The following CCSER1 variants were observed in gnomAD, a reference collection of about 807,000 sequenced individuals.
The protein encoded by CCSER1 is coiled-coil serine rich protein 1.
CCSER1 carries 41 observed loss-of-function variants against 82.0 expected under a neutral mutation model. The observed-to-expected ratio is 0.50, with a 90% CI of 0.39 to 0.65. The LOEUF (loss-of-function observed/expected upper bound fraction) is 0.65, where lower values mean the gene tolerates loss of function less well. Among genes scored for constraint, CCSER1 ranks in the 30% least tolerant of loss-of-function variants. The pLI, the probability that CCSER1 is intolerant of heterozygous loss-of-function variation, is 0.00. For missense variants in CCSER1, 1,119 were observed against 1,064.2 expected (o/e 1.05, Z -0.72); for synonymous variants, 414 against 383.9 (o/e 1.08, Z -0.92).
rs1458795975 is a variant in CCSER1, at chr4:91,013,728, G to A, written c.2173-72222G>A. 1.6e-5 allele frequency among the ~76,000 whole-genome samples: 2 copies of A among 125,714 alleles called. 1 individual carries two copies. Among genetic ancestry groups the A allele is most frequent in the Non-Finnish European group, 3.7e-5 (2 of 54,674 alleles). The allele number at this position is 125,714 out of a possible 152,430, so 82.5% of individuals were successfully genotyped here. On this transcript the variant is annotated intron_variant, in intron 9 of 10. Transcript: ENST00000509176. The stretch of plus-strand genomic sequence containing the variant: ...CGCCATTCTCCTGCCTCAGGCTCCC[G>A]AGCAGCTGGGACTCCAGGCACCTGT...
chr4:90,814,528 C>G (rs962524755), intron 7 of CCSER1, among the ~76,000 whole-genome samples: 15 of 152,202 alleles, frequency 9.9e-5, no homozygotes, highest in Non-Finnish European at 2.1e-4. Flanking sequence ...TGCTCTGCTT[C>G]TCTTTTAAAT....
intron 10 of CCSER1, among the ~76,000 whole-genome samples, chr4:91,441,506 C>A (rs1755145341): frequency 6.6e-6 from 1 of 151,978 alleles, no homozygotes; most frequent in Admixed American, 6.6e-5. Context: ...AAACTCACAG[C>A]CAATATCATA....
At chr4:90,890,539 C>T (rs1205628441) in intron 8 of CCSER1, among the ~76,000 whole-genome samples, 2 of 152,166 alleles carry the variant, frequency 1.3e-5, no homozygotes, top group Non-Finnish European at 2.9e-5. Context: ...CACTGAGAGC[C>T]TGAAAAACAT....
At chr4:90,428,899 A>G (rs767272248) in intron 4 of CCSER1, among the ~76,000 whole-genome samples, 3 of 151,902 alleles carry the variant, frequency 2.0e-5, no homozygotes, top group Non-Finnish European at 4.4e-5. Flanking sequence ...TGACAACTGA[A>G]TATAATGTGG....
At chr4:91,078,339 TC>T (rs1409419788) in intron 9 of CCSER1, among the ~76,000 whole-genome samples, 1 of 151,976 alleles carries the variant, frequency 6.6e-6, no homozygotes, top group East Asian at 1.9e-4. Flanking sequence ...TCCAGCAAAC[TC>T]CAACAGACCT....
At chr4:91,489,369 A>C (rs1245535058) in intron 10 of CCSER1, among the ~76,000 whole-genome samples, 1 of 152,122 alleles carries the variant, frequency 6.6e-6, no homozygotes, top group Non-Finnish European at 1.5e-5. Context: ...TTTGTTTCTT[A>C]CAATGTTTTA....
chr4:90,527,103 C>T (rs1469218273), intron 5 of CCSER1, among the ~76,000 whole-genome samples: 2 of 152,126 alleles, frequency 1.3e-5, no homozygotes, highest in Non-Finnish European at 2.9e-5. Context: ...CAAATGGGAT[C>T]TAATTAAACT....
chr4:90,589,182 A>G (rs1350635887), intron 5 of CCSER1, among the ~76,000 whole-genome samples: 1 of 152,190 alleles, frequency 6.6e-6, no homozygotes, highest in Non-Finnish European at 1.5e-5. Flanking sequence ...AAAGGAGGAA[A>G]GCATTTATTA....
intron 10 of CCSER1, among the ~76,000 whole-genome samples, chr4:91,440,820 C>T (rs894084476): frequency 2.0e-5 from 3 of 152,084 alleles, no homozygotes; most frequent in Admixed American, 2.0e-4. Flanking sequence ...TACAAACTAC[C>T]ATCAGACAAT....
chr4:90,553,308 G>T (rs1426259167), intron 5 of CCSER1, among the ~76,000 whole-genome samples: 1 of 152,130 alleles, frequency 6.6e-6, no homozygotes, highest in East Asian at 1.9e-4. Context: ...AATATTGGTG[G>T]TGTGCTAATG....
intron 9 of CCSER1, among the ~76,000 whole-genome samples, chr4:91,023,029 T>A (rs1347937218): frequency 6.6e-6 from 1 of 152,186 alleles, no homozygotes; most frequent in African/African-American, 2.4e-5. Context: ...ATCCCATTTG[T>A]CAATTTTGGC....
At chr4:90,177,470 G>A (rs1176828572) in intron 1 of CCSER1, among the ~76,000 whole-genome samples, 2 of 152,100 alleles carry the variant, frequency 1.3e-5, no homozygotes, top group African/African-American at 4.8e-5. Flanking sequence ...CCTGTTTGAG[G>A]AGTCAGTATG....
chr4:90,580,634 C>T (rs910333650), intron 5 of CCSER1, among the ~76,000 whole-genome samples: 1 of 152,204 alleles, frequency 6.6e-6, no homozygotes, highest in Admixed American at 6.5e-5. Context: ...TGGCCCAGGG[C>T]CAGTGCTGCA....
chr4:91,380,070 T>C (rs1166973256), intron 10 of CCSER1, among the ~76,000 whole-genome samples: 4 of 152,200 alleles, frequency 2.6e-5, no homozygotes, highest in Non-Finnish European at 5.9e-5. Context: ...AGTGAGTTTC[T>C]TAATCCTGAG....
chr4:91,070,908 G>A (rs939237415), intron 9 of CCSER1, among the ~76,000 whole-genome samples: 1 of 152,150 alleles, frequency 6.6e-6, no homozygotes, highest in East Asian at 1.9e-4. Context: ...CACACTCTCT[G>A]TGGTGTTGTA....
intron 7 of CCSER1, among the ~76,000 whole-genome samples, chr4:90,807,469 C>T (rs1440914964): frequency 6.6e-6 from 1 of 152,034 alleles, no homozygotes; most frequent in Non-Finnish European, 1.5e-5. Context: ...TAAATTACAA[C>T]TAAGCTAGGT....
intron 1 of CCSER1, among the ~76,000 whole-genome samples, chr4:90,280,301 G>A (rs2153459998): frequency 6.6e-6 from 1 of 151,910 alleles, no homozygotes; most frequent in East Asian, 1.9e-4. Flanking sequence ...AACAAATCAT[G>A]AAGTCACCCT....
intron 8 of CCSER1, among the ~76,000 whole-genome samples, chr4:90,890,242 C>T (rs753164996): frequency 6.6e-6 from 1 of 152,208 alleles, no homozygotes; most frequent in East Asian, 1.9e-4. Flanking sequence ...TTTGGTTTGT[C>T]GCTTCCTAGA....
At chr4:91,225,190 TTATA>T (rs1274907762) in intron 10 of CCSER1, among the ~76,000 whole-genome samples, 35 of 141,492 alleles carry the variant, frequency 2.5e-4, no homozygotes, top group Admixed American at 1.9e-3. Flanking sequence ...ATGTATATAA[TTATA>T]TATAATATAT....
Sources: allele counts gnomAD v4.1 joint callset (sites outside exome capture counted in the v4.1 genomes callset), GRCh38; gene constraint gnomAD v4.1.1; transcripts MANE v1.5; gene names NCBI Gene and HGNC (gene_info 2026-07-23, HGNC 2026-07-21).